Variants in EFCAB8 observed in about 807,000 individuals in gnomAD.
EFCAB8 encodes the protein EF-hand calcium-binding domain-containing protein 8.
A neutral mutation model predicts 116.3 loss-of-function variants in EFCAB8; 100 were observed. The ratio of observed to expected loss-of-function variants is 0.86; its 90% CI spans 0.73 to 1.02. EFCAB8 has a LOEUF of 1.02. Ranked by LOEUF, EFCAB8 falls within the 50% of genes least tolerant of loss-of-function variation. The pLI is 0.00. For missense variants in EFCAB8, 1,320 were observed against 1,416.9 expected, an observed-to-expected ratio of 0.93 and a Z score of 1.10; for synonymous variants, 558 against 567.9, an observed-to-expected ratio of 0.98 and a Z score of 0.25.
At chr20:32,936,398 T>A (rs1988121968) in intron 22 of EFCAB8, among the ~76,000 whole-genome samples, 1 of 152,216 alleles carries the variant, frequency 6.6e-6, no homozygotes, top group Admixed American at 6.5e-5. Context: ...CAGATCAATG[T>A]CATGGAGCCT....
intron 4 of EFCAB8, among the ~76,000 whole-genome samples, chr20:32,877,207 C>CTTTTTTTTTTTTTTTTTTTTTTTTTT (rs757130907): frequency 4.7e-4 from 54 of 115,044 alleles, no homozygotes; most frequent in Non-Finnish European, 8.0e-4. Context: ...TTATTTCTTT[C>CTTTTTTTTTTTTTTTTTTTTTTTTTT]TTTTTTTTTT....
chr20:32,939,511 C>T (rs1455142815), intron 22 of EFCAB8, among the ~76,000 whole-genome samples: 1 of 147,308 alleles, frequency 6.8e-6, no homozygotes, highest in Non-Finnish European at 1.5e-5. Context: ...TCTCAAACTC[C>T]TGACTTTGTG....
intron 11 of EFCAB8, among the ~76,000 whole-genome samples, chr20:32,900,801 C>A (rs977369455): frequency 6.6e-5 from 10 of 152,196 alleles, no homozygotes; most frequent in Admixed American, 5.9e-4. Flanking sequence ...ATCTCCCAAC[C>A]TTGTGATCCA....
Position 32,864,008 on chromosome 20 carries a change from G to A in EFCAB8, c.42+174G>A, listed in dbSNP as rs933384749. On this transcript the variant is annotated intron_variant, in intron 2 of 26. Coordinates refer to ENST00000400522, the MANE Select transcript of EFCAB8 (RefSeq NM_001143967.2). ...TTTTTTTTTTTTGAGACAGAGTCTC[G>A]CTCTGTCGCCCAGGCTGGAGTGCAG... Among the ~76,000 whole-genome samples the A allele has an allele frequency of 5.9e-5, 9 of 151,272 alleles. No individual in the cohort carries two copies. The South Asian group carries it at 6.3e-4, about 11-fold the overall frequency.
At chr20:32,933,069 AT>A (rs1215021785) in intron 22 of EFCAB8, among the ~76,000 whole-genome samples, 1 of 152,072 alleles carries the variant, frequency 6.6e-6, no homozygotes, top group African/African-American at 2.4e-5. Flanking sequence ...TTATATATGC[AT>A]TCATTAATCT....
At chr20:32,888,218 C>T (rs894235382) in intron 6 of EFCAB8, among the ~76,000 whole-genome samples, 2 of 151,756 alleles carry the variant, frequency 1.3e-5, no homozygotes, top group African/African-American at 2.4e-5. Flanking sequence ...CATGCACCAC[C>T]GTGTCCAGCT....
chr20:32,867,787 G>T, intron 3 of EFCAB8, 40 bp downstream of exon 3: 1 of 1,542,956 alleles, frequency 6.5e-7, no homozygotes. Context: ...TGTGAGTTCT[G>T]CAACAGGGCA....
At chr20:32,950,165 C>G (rs1394735031) in intron 23 of EFCAB8, among the ~76,000 whole-genome samples, 1 of 152,214 alleles carries the variant, frequency 6.6e-6, no homozygotes, top group Non-Finnish European at 1.5e-5. Context: ...GAGCATGATT[C>G]ATAAAATATC....
chr20:32,930,046 G>A (rs1987835204), intron 20 of EFCAB8, among the ~76,000 whole-genome samples: 3 of 152,330 alleles, frequency 2.0e-5, no homozygotes, highest in East Asian at 1.9e-4. Flanking sequence ...ATCACTTTGG[G>A]TTGAGTTACA....
intron 4 of EFCAB8, among the ~76,000 whole-genome samples, chr20:32,877,741 C>T (rs114125197): frequency 6.1e-4 from 93 of 152,248 alleles, no homozygotes; most frequent in African/African-American, 2.0e-3. Context: ...TCTGGAGTTG[C>T]GCCAGTGGCC....
rs763365246 is a variant in EFCAB8 at position 32,909,846 on chromosome 20, A to G, written c.1472A>G (p.Glu491Gly). 303 of 1,249,742 alleles carry G rather than the reference A, an allele frequency of 2.4e-4. No homozygotes were observed. The highest frequency in any genetic ancestry group is 2.9e-4 in the Non-Finnish European group (288 of 988,212). The allele number at this position is 1,249,742 out of a possible 1,614,324, so 77.4% of individuals were successfully genotyped here. A position where few individuals can be genotyped will look rare whatever the true frequency, so the allele number is the denominator to read the frequency against. Residue 491 changes from glutamate to glycine, a missense_variant, in exon 15 of 27, where the codon GAG becomes GGG. Coordinates refer to ENST00000400522, the MANE Select transcript of EFCAB8 (RefSeq NM_001143967.2). ...ATCGGGATCCTAAAAGGGTACTTAG[A>G]GGCCCAGGGGCTTATCAAAGCAAGG... ...YSIGILKGYLEAQGLIKARKR... is the reference protein window; with the variant it reads ...YSIGILKGYLGAQGLIKARKR...
At chr20:32,867,841 C>T (rs1309305785) in intron 3 of EFCAB8, 94 bp downstream of exon 3, 6 of 1,368,284 alleles carry the variant, frequency 4.4e-6, no homozygotes, top group Non-Finnish European at 5.9e-6. Flanking sequence ...ACATAATAAG[C>T]ATTTTTTTTT....
In EFCAB8 at chr20:32,898,540, G is replaced by A; in HGVS notation, c.1005G>A (p.Met335Ile). The change falls in exon 11 of 27, where the codon ATG becomes ATA. Residue 335 changes from methionine (M) to isoleucine (I), a missense_variant. Physicochemically the swap from Met to Ile is conservative, Grantham distance 10 (BLOSUM62 1). Coordinates refer to ENST00000400522, the MANE Select transcript of EFCAB8 (RefSeq NM_001143967.2). ...AGCAGGTCAAGTTCATCCCCCAGAT[G>A]AATGTGGTAGTCTCCTGTTCAGCCA... ...WCEQVKFIPQ[M>I]NVVVSCSAIE... The A allele has an allele frequency of 2.8e-6, 2 of 718,662 alleles. No individual in the cohort carries two copies. The highest frequency in any genetic ancestry group is 2.3e-4 in the Middle Eastern group (1 of 4,372). The allele number at this position is 718,662 out of a possible 1,614,324, so 44.5% of individuals were successfully genotyped here.
rs1242869717 is a variant in EFCAB8 at position 32,896,501 on chromosome 20, G to A, written c.931G>A (p.Ala311Thr). The A allele has an allele frequency of 5.6e-6, 4 of 718,946 alleles. No homozygotes were observed. The Admixed American group carries it at 8.0e-5, about 14-fold the overall frequency. The allele number at this position is 718,946 out of a possible 1,614,324, so 44.5% of individuals were successfully genotyped here. ...GCAGAAACTCTTAAATGAGAAGTCT[G>A]CTTTGCATAGAAGCTACCGGCTGAA... ...SLQKLLNEKSALHRSYRLKAL... is the reference protein window; with the variant it reads ...SLQKLLNEKSTLHRSYRLKAL... Residue 311 changes from alanine to threonine, a missense_variant, in exon 10 of 27, where the codon GCT (alanine) becomes ACT (threonine). Ala to Thr is a moderately conservative substitution (Grantham distance 58). Coordinates refer to ENST00000400522, the MANE Select transcript of EFCAB8 (RefSeq NM_001143967.2).
chr20:32,867,921 C>T (rs144264221), intron 3 of EFCAB8, among the ~76,000 whole-genome samples, 174 bp downstream of exon 3: 84 of 152,130 alleles, frequency 5.5e-4, no homozygotes, highest in African/African-American at 1.9e-3. Flanking sequence ...ACGGCAGCCT[C>T]AACCTCCCAT....
intron 23 of EFCAB8, among the ~76,000 whole-genome samples, chr20:32,949,915 G>A (rs916285036): frequency 4.6e-5 from 7 of 152,196 alleles, no homozygotes; most frequent in East Asian, 3.9e-4. Context: ...CACAAGAATC[G>A]CTTGAACCTG....
At chr20:32,904,001 T>C (rs1986552048) in intron 11 of EFCAB8, among the ~76,000 whole-genome samples, 1 of 151,938 alleles carries the variant, frequency 6.6e-6, no homozygotes, top group East Asian at 1.9e-4. Context: ...TACAGATGCC[T>C]TTGAATGGAT....
At chr20:32,914,993 G>A (rs903094300) in intron 17 of EFCAB8, among the ~76,000 whole-genome samples, 2 of 152,046 alleles carry the variant, frequency 1.3e-5, no homozygotes, top group African/African-American at 4.8e-5. Flanking sequence ...CAGCTCCTAG[G>A]CTCAAGAGAT....
intron 9 of EFCAB8, among the ~76,000 whole-genome samples, chr20:32,895,900 G>C (rs6058946): frequency 1.3e-5 from 2 of 151,956 alleles, no homozygotes; most frequent in African/African-American, 4.8e-5. Context: ...CTGGCCTCAA[G>C]TGACCTTCCC....
Sources: gnomAD v4.1 joint callset for allele counts (sites outside exome capture counted in the v4.1 genomes callset) on GRCh38, gnomAD v4.1.1 for gene constraint, MANE v1.5 for transcripts, NCBI Gene and HGNC (gene_info 2026-07-23, HGNC 2026-07-21) for gene names.